Variants in CMTR1 observed in about 807,000 individuals in gnomAD.
The protein encoded by CMTR1 is cap-specific mRNA (nucleoside-2'-O-)-methyltransferase 1.
Under a neutral mutation model 107.0 loss-of-function variants are expected in CMTR1, and 39 were observed. That is an observed-to-expected ratio of 0.36 (90% CI 0.28 to 0.48). The LOEUF (loss-of-function observed/expected upper bound fraction) is 0.48. CMTR1 is among the 20% of genes least tolerant of loss of function. The pLI is 0.99. For missense variants in CMTR1, 672 were observed against 1,064.9 expected, an observed-to-expected ratio of 0.63 and a Z score of 5.14; for synonymous variants, 366 against 379.5, an observed-to-expected ratio of 0.96 and a Z score of 0.41.
At chr6:37,454,548 T>C (rs1414118361) in intron 8 of CMTR1, among the ~76,000 whole-genome samples, 1 of 152,244 alleles carries the variant, frequency 6.6e-6, no homozygotes, top group Non-Finnish European at 1.5e-5. Context: ...TCACAGTGTC[T>C]TTTTTGGCTT....
At chr6:37,464,384 G>A (rs1379270953) in intron 13 of CMTR1, among the ~76,000 whole-genome samples, 1 of 151,402 alleles carries the variant, frequency 6.6e-6, no homozygotes, top group African/African-American at 2.4e-5. Context: ...GGAGAATGGC[G>A]TGAACCCAGG....
chr6:37,475,876 G>A, intron 19 of CMTR1: 1 of 536,948 alleles, frequency 1.9e-6, no homozygotes. Flanking sequence ...CACAGCTGAA[G>A]GCACACTTCA....
chr6:37,475,593 CAG>C (rs1761721112), intron 19 of CMTR1, 181 bp downstream of exon 19: 4 of 612,798 alleles, frequency 6.5e-6, no homozygotes, highest in Non-Finnish European at 1.2e-5. Context: ...GTTGCCACTT[CAG>C]AGTTTGCTAG....
chr6:37,480,700 C>T lies in CMTR1; in HGVS notation c.*555C>T, dbSNP rs1245183840. 1.1e-4 allele frequency: 108 copies of T among 1,019,522 alleles called. No individual in the cohort carries two copies. Among genetic ancestry groups the T allele is most frequent in the Non-Finnish European group, 1.2e-4 (105 of 852,534 alleles). 63.2% of individuals were successfully genotyped at this position (1,019,522 alleles called of 1,614,324 possible). A position where few individuals can be genotyped will look rare whatever the true frequency, so the allele number is the denominator to read the frequency against. On this transcript the variant is annotated 3_prime_UTR_variant, in exon 24 of 24. Transcript: ENST00000373451. ...GCCAAATTGGAGACCATTTTCTTGT[C>T]TCCTTCCCCCACTCATCCTGGCCTT...
chr6:37,480,890 C>G lies in CMTR1; in HGVS notation c.*745C>G, dbSNP rs1486387733. 3 of 1,197,734 alleles carry G rather than the reference C, an allele frequency of 2.5e-6. No individual in the cohort carries two copies. Among genetic ancestry groups the G allele is most frequent in the Non-Finnish European group, 3.2e-6 (3 of 948,030 alleles). The allele number at this position is 1,197,734 out of a possible 1,614,324, so 74.2% of individuals were successfully genotyped here. ...TCCTAGGTGCCATCCCCTTTTGGTC[C>G]AAACATTGGGCAGCGCTAGATGGCA... On this transcript the variant is annotated 3_prime_UTR_variant, in exon 24 of 24. Transcript: ENST00000373451.
intron 2 of CMTR1, among the ~76,000 whole-genome samples, chr6:37,441,031 GT>G (rs1408242048): frequency 1.3e-5 from 2 of 152,176 alleles, no homozygotes; most frequent in African/African-American, 2.4e-5. Context: ...ATTTAGCATT[GT>G]AGCTTGTGAT....
rs1761639796 is a variant in CMTR1 at position 37,472,065 on chromosome 6, AC to A, written c.1620+162del. Among the ~76,000 whole-genome samples, 1 of 152,196 alleles carries A rather than the reference AC, an allele frequency of 6.6e-6. No homozygotes were observed. Among genetic ancestry groups the A allele is most frequent in the Admixed American group, 6.5e-5 (1 of 15,280 alleles). On this transcript the variant is annotated intron_variant, in intron 15 of 23. Transcript: ENST00000373451. The surrounding 1 kb of genome is among the most constrained non-coding windows in gnomAD (Gnocchi z 4.1). ...TGACATCTCGGCATTGTTGGTAGTTACGTCCTTGGCCCTTTCACTGCTGGTT... is the reference window on the plus strand; with the variant it reads ...TGACATCTCGGCATTGTTGGTAGTTAGTCCTTGGCCCTTTCACTGCTGGTT...
At chr6:37,428,197 C>T in the CMTR1 span, among the ~76,000 whole-genome samples, 1 of 152,142 alleles carries the variant, frequency 6.6e-6, no homozygotes, top group African/African-American at 2.4e-5. Context: ...AGGAGGATTA[C>T]ATAAATGTTT....
At chr6:37,450,692 T>C (rs1254367325) in intron 5 of CMTR1, among the ~76,000 whole-genome samples, 1 of 152,146 alleles carries the variant, frequency 6.6e-6, no homozygotes, top group Non-Finnish European at 1.5e-5. Context: ...CAGAAAGTAA[T>C]GAGGGAATTG....
At chr6:37,474,744 G>A (rs1761703594) in intron 18 of CMTR1, 98 bp downstream of exon 18, 19 of 1,542,136 alleles carry the variant, frequency 1.2e-5, no homozygotes, top group Non-Finnish European at 1.7e-5. Flanking sequence ...GTTACATTGT[G>A]TGGTGGCTGA....
chr6:37,463,532 A>G (rs1313541598), intron 13 of CMTR1, among the ~76,000 whole-genome samples: 2 of 152,078 alleles, frequency 1.3e-5, no homozygotes, highest in African/African-American at 4.8e-5. Flanking sequence ...GTAATAATTT[A>G]AAGTTGTGAC....
intron 3 of CMTR1, 95 bp downstream of exon 3, chr6:37,444,245 T>G: frequency 8.1e-5 from 116 of 1,434,958 alleles, no homozygotes; most frequent in Non-Finnish European, 1.0e-4. Context: ...AGTTTGGCCA[T>G]AGGTTTTTCC....
At chr6:37,473,676 C>T in intron 17 of CMTR1, 75 bp downstream of exon 17, 1 of 1,526,304 alleles carries the variant, frequency 6.6e-7, no homozygotes, top group Non-Finnish European at 8.9e-7. Context: ...CAGCTGCCTG[C>T]CACACTTGGT....
rs1242712922 is a variant in CMTR1 at position 37,453,563 on chromosome 6, G to A, written c.777+251G>A. 2.0e-5 allele frequency among the ~76,000 whole-genome samples: 3 copies of A among 152,180 alleles called. No homozygotes were observed. In the East Asian group the frequency reaches 5.8e-4, roughly 29 times the overall value. Reference sequence around the variant, plus strand: ...AAGGTAGAGTGGAAGGGTGAATACTGTTTTTATATAGCAAGCTTATTTTCC... The same window carrying A: ...AAGGTAGAGTGGAAGGGTGAATACTATTTTTATATAGCAAGCTTATTTTCC... On this transcript the variant is annotated intron_variant, in intron 8 of 23. Coordinates refer to ENST00000373451, the MANE Select transcript of CMTR1 (RefSeq NM_015050.3).
chr6:37,449,861 T>C (rs1771894155), intron 4 of CMTR1, among the ~76,000 whole-genome samples: 1 of 152,224 alleles, frequency 6.6e-6, no homozygotes, highest in Non-Finnish European at 1.5e-5. Flanking sequence ...TAGACCTACA[T>C]TGTATGCGAT....
At chr6:37,466,407 T>TA (rs1723351322) in intron 13 of CMTR1, among the ~76,000 whole-genome samples, 1 of 152,196 alleles carries the variant, frequency 6.6e-6, no homozygotes, top group Admixed American at 6.5e-5. Context: ...GTGCTGGAAT[T>TA]ACGGGTGTGA....
At chr6:37,425,362 T>A in the CMTR1 span, among the ~76,000 whole-genome samples, 1 of 151,036 alleles carries the variant, frequency 6.6e-6, no homozygotes, top group Admixed American at 6.6e-5. Context: ...AGTGGTGCGA[T>A]CTCAGTCCAC....
chr6:37,457,294 A>T (rs1415391815), intron 8 of CMTR1, among the ~76,000 whole-genome samples: 1 of 152,118 alleles, frequency 6.6e-6, no homozygotes, highest in African/African-American at 2.4e-5. Flanking sequence ...ATTATGCCAA[A>T]ATTCAAATGA....
Position 37,481,399 on chromosome 6 carries a change from C to T in CMTR1, c.*1254C>T, listed in dbSNP as rs1485836485. On this transcript the variant is annotated 3_prime_UTR_variant, in exon 24 of 24. Transcript: ENST00000373451. ...GTCCTTCAGCCAGCATCCAGCTCCC[C>T]ACCCCCAGGCTGGCAGTAGCACTGC... The T allele has an allele frequency of 2.2e-5, 26 of 1,185,766 alleles. No homozygotes were observed. The highest frequency in any genetic ancestry group is 3.2e-5 in the South Asian group (2 of 62,650). 73.5% of individuals were successfully genotyped at this position (1,185,766 alleles called of 1,614,324 possible). A position where few individuals can be genotyped will look rare whatever the true frequency, so the allele number is the denominator to read the frequency against.
Sources: allele counts gnomAD v4.1 joint callset (sites outside exome capture counted in the v4.1 genomes callset), GRCh38; gene constraint gnomAD v4.1.1; non-coding constraint Gnocchi (gnomAD v3.1); transcripts MANE v1.5; gene names NCBI Gene and HGNC (gene_info 2026-07-23, HGNC 2026-07-21).